The following SETDB1 variants were observed in gnomAD, a reference collection of about 807,000 sequenced individuals.
SETDB1 encodes SET domain bifurcated histone lysine methyltransferase 1.
Under a neutral mutation model 137.4 loss-of-function variants are expected in SETDB1, and 31 were observed. The observed-to-expected ratio is 0.23, with a 90% CI of 0.17 to 0.30. The LOEUF (loss-of-function observed/expected upper bound fraction) is 0.30, where lower values mean the gene tolerates loss of function less well. SETDB1 is among the 10% of genes least tolerant of loss of function. SETDB1 has a pLI of 1.00. For synonymous variants in SETDB1, 548 were observed against 579.9 expected (o/e 0.95, Z 0.79); for missense variants, 1,113 against 1,631.5 (o/e 0.68, Z 5.47).
In SETDB1 at chr1:150,964,237, T is replaced by C. The variant is rs780280888; in HGVS notation, c.3762-10T>C. The C allele has an allele frequency of 4.3e-6, 7 of 1,611,386 alleles. No individual in the cohort carries two copies. In the African/African-American group the frequency reaches 9.4e-5, roughly 22 times the overall value. The stretch of plus-strand genomic sequence containing the variant: ...TCTTTGCCACACACCATCCTTTTCT[T>C]CCTCTTCAGAAGAATCCGGGCTGGG... On this transcript the variant is annotated splice_polypyrimidine_tract_variant and intron_variant, in intron 21 of 21. Coordinates refer to ENST00000692827, the MANE Select transcript of SETDB1 (RefSeq NM_001366418.1).
chr1:150,940,244 G>A lies in SETDB1; in HGVS notation c.447+270G>A, dbSNP rs75393053. Among the ~76,000 whole-genome samples the A allele has an allele frequency of 6.1e-3, 936 of 152,220 alleles. 12 individuals carry two copies. Among genetic ancestry groups the A allele is most frequent in the African/African-American group, 0.022 (894 of 41,528 alleles). ...AAGAAAAGCTTCCTAACATTGAAACGTTGATTTTTGAACTAGGTTTCTAAG... is the reference window on the plus strand; with the variant it reads ...AAGAAAAGCTTCCTAACATTGAAACATTGATTTTTGAACTAGGTTTCTAAG... On this transcript the variant is annotated intron_variant, in intron 4 of 21. Coordinates refer to ENST00000692827, the MANE Select transcript of SETDB1 (RefSeq NM_001366418.1).
Position 150,927,724 on chromosome 1 carries a change from C to G in SETDB1, c.10C>G (p.Leu4Val). 6.2e-7 allele frequency: 1 copy of G among 1,613,912 alleles called. No homozygotes were observed. Among genetic ancestry groups the G allele is most frequent in the South Asian group, 1.1e-5 (1 of 90,986 alleles). The change falls in exon 2 of 22, where the codon CTT becomes GTT. Residue 4 changes from leucine to valine, a missense_variant. Coordinates refer to ENST00000692827, the MANE Select transcript of SETDB1 (RefSeq NM_001366418.1). ...TGCAGAGGACAAAAGCATGTCTTCC[C>G]TTCCTGGGTGCATTGGTTTGGATGC... is the stretch of plus-strand genomic sequence containing the variant. MSSLPGCIGLDAAT... is the reference protein window; with the variant it reads MSSVPGCIGLDAAT...
At chr1:150,957,962 G>T (rs1048465405) in intron 14 of SETDB1, among the ~76,000 whole-genome samples, 2 of 152,098 alleles carry the variant, frequency 1.3e-5, no homozygotes, top group Non-Finnish European at 2.9e-5. Context: ...TAAGGCAGGC[G>T]GATCACATGA....
intron 12 of SETDB1, among the ~76,000 whole-genome samples, 161 bp from the exon 13 acceptor site, chr1:150,950,297 C>T (rs1670459417): frequency 6.6e-6 from 1 of 152,018 alleles, no homozygotes; most frequent in African/African-American, 2.4e-5. Flanking sequence ...GTTTCATTGT[C>T]CAGGTTTGGT....
chr1:150,931,260 T>TAAAAAAAAA (rs1272248504), intron 3 of SETDB1, among the ~76,000 whole-genome samples: 2 of 33,950 alleles, frequency 5.9e-5, no homozygotes, highest in African/African-American at 2.7e-4. Flanking sequence ...ACTCTTGTCT[T>TAAAAAAAAA]CAAAAAAAAA....
intron 8 of SETDB1, among the ~76,000 whole-genome samples, chr1:150,944,651 C>A (rs1670268128): frequency 6.6e-6 from 1 of 152,130 alleles, no homozygotes; most frequent in Non-Finnish European, 1.5e-5. Flanking sequence ...CTTGAATTTT[C>A]CAGAGGAGAA....
chr1:150,943,296 T>C lies in SETDB1; in HGVS notation c.875+243T>C, dbSNP rs1670220601. Among the ~76,000 whole-genome samples, 3 of 152,338 alleles carry C rather than the reference T, an allele frequency of 2.0e-5. No individual in the cohort carries two copies. The South Asian group carries it at 6.2e-4, about 32-fold the overall frequency. On this transcript the variant is annotated intron_variant, in intron 7 of 21. Transcript: ENST00000692827. ...GAAGAGAATAATGAGGATTGATTAATGGTCAGGGGAATACAATTCACACAG... is the reference window on the plus strand; with the variant it reads ...GAAGAGAATAATGAGGATTGATTAACGGTCAGGGGAATACAATTCACACAG...
chr1:150,938,178 AC>A (rs1400970523), intron 3 of SETDB1, among the ~76,000 whole-genome samples: 16 of 150,632 alleles, frequency 1.1e-4, no homozygotes, highest in African/African-American at 3.4e-4. Flanking sequence ...TTGAGATCAC[AC>A]TACTGCACTC....
intron 10 of SETDB1, among the ~76,000 whole-genome samples, chr1:150,948,669 A>G (rs1282099723): frequency 1.3e-5 from 2 of 152,156 alleles, no homozygotes; most frequent in Non-Finnish European, 2.9e-5. Flanking sequence ...GCCAGCGTCC[A>G]TGCCAGTCAA....
At chr1:150,953,065 G>A (rs1036410007) in intron 14 of SETDB1, among the ~76,000 whole-genome samples, 4 of 152,180 alleles carry the variant, frequency 2.6e-5, no homozygotes, top group South Asian at 2.1e-4. Context: ...TAGAGAAGGC[G>A]GCTCAGGAGT....
intron 2 of SETDB1, 51 bp from the exon 3 acceptor site, chr1:150,929,916 T>C (rs1240884696): frequency 1.3e-6 from 2 of 1,502,598 alleles, no homozygotes; most frequent in Non-Finnish European, 9.1e-7. Context: ...ATTCTATATC[T>C]CTTAATTCCT....
Position 150,927,965 on chromosome 1 carries a change from A to G in SETDB1, c.251A>G (p.Asp84Gly), listed in dbSNP as rs770605925. Residue 84 changes from aspartate to glycine, a missense_variant, in exon 2 of 22, where the codon GAT becomes GGT. Transcript: ENST00000692827. ...GCTCACGTTGACCAACTCTTTGATG[A>G]TGCATCCAGGTGAGAACTCCATGGA... ...EVAHVDQLFD[D>G]ASRAVTNCES... 1 of 1,614,186 alleles carries G rather than the reference A, an allele frequency of 6.2e-7. No individual in the cohort carries two copies. The highest frequency in any genetic ancestry group is 1.1e-5 in the South Asian group (1 of 91,082).
intron 19 of SETDB1, 122 bp from the exon 20 acceptor site, chr1:150,963,408 C>T: frequency 1.1e-6 from 1 of 903,406 alleles, no homozygotes; most frequent in Non-Finnish European, 1.7e-6. Context: ...CTTTGAGTTC[C>T]AGCTTATTGG....
At chr1:150,961,362 C>A in intron 16 of SETDB1, 171 bp downstream of exon 16, 1 of 701,308 alleles carries the variant, frequency 1.4e-6, no homozygotes. Context: ...TTTAAAGAAC[C>A]AAATTATTGA....
chr1:150,930,385 G>T, intron 3 of SETDB1: 1 of 352,768 alleles, frequency 2.8e-6, no homozygotes, highest in Non-Finnish European at 5.2e-6. Flanking sequence ...GGAATTGCCA[G>T]GACTTATAGT....
At chr1:150,926,935 G>A in intron 1 of SETDB1, 3 of 464,792 alleles carry the variant, frequency 6.5e-6, no homozygotes, top group South Asian at 4.7e-5. Flanking sequence ...TGGAAGCAAA[G>A]TAATATAAGG....
chr1:150,956,889 G>C, intron 14 of SETDB1, among the ~76,000 whole-genome samples: 1 of 152,068 alleles, frequency 6.6e-6, no homozygotes, highest in East Asian at 1.9e-4. Context: ...CCGTGGTGGG[G>C]GGATGGCTTG....
chr1:150,958,238 CT>C (rs933185799), intron 14 of SETDB1, among the ~76,000 whole-genome samples: 7 of 121,398 alleles, frequency 5.8e-5, no homozygotes, highest in African/African-American at 2.1e-4. Flanking sequence ...TTTTTTTTTT[CT>C]TTTTTTTCTT....
chr1:150,944,771 G>A, intron 8 of SETDB1, 147 bp from the exon 9 acceptor site: 1 of 713,122 alleles, frequency 1.4e-6, no homozygotes, highest in South Asian at 1.9e-5. Flanking sequence ...TTACTTAGGT[G>A]GTCTTGGCTT....
Sources: gnomAD v4.1 joint callset for allele counts (sites outside exome capture counted in the v4.1 genomes callset) on GRCh38, gnomAD v4.1.1 for gene constraint, MANE v1.5 for transcripts, NCBI Gene and HGNC (gene_info 2026-07-23, HGNC 2026-07-21) for gene names.